Variants in DUSP10 observed in about 807,000 individuals in gnomAD.
DUSP10 encodes the protein dual specificity protein phosphatase 10.
A neutral mutation model predicts 30.8 loss-of-function variants in DUSP10; 14 were observed. The observed-to-expected ratio is 0.46, with a 90% CI of 0.30 to 0.71. The LOEUF is 0.71. Ranked by LOEUF, DUSP10 falls within the 30% of genes least tolerant of loss-of-function variation. DUSP10 has a pLI of 0.08. For missense variants in DUSP10, 550 were observed against 619.4 expected (o/e 0.89, Z 1.19); for synonymous variants, 254 against 250.4 (o/e 1.01, Z -0.14).
At chr1:221,704,550 G>A (rs940313328) in intron 3 of DUSP10, among the ~76,000 whole-genome samples, 14 of 152,160 alleles carry the variant, frequency 9.2e-5, no homozygotes, top group Admixed American at 6.5e-4. Context: ...CTTCCTCAGC[G>A]CTCCAGGTTT....
intron 2 of DUSP10, among the ~76,000 whole-genome samples, chr1:221,713,144 T>C (rs1660991116): frequency 6.6e-6 from 1 of 152,196 alleles, no homozygotes; most frequent in South Asian, 2.1e-4. Flanking sequence ...TTCAGAGCAG[T>C]AGGAAAAGGA....
intron 2 of DUSP10, chr1:221,736,936 T>A (rs1429388293): frequency 2.0e-6 from 2 of 985,312 alleles, no homozygotes; most frequent in African/African-American, 1.7e-5. Flanking sequence ...GGGCGCCCAG[T>A]GGTGAGGTCA....
intron 2 of DUSP10, among the ~76,000 whole-genome samples, chr1:221,718,241 C>A (rs1661170615): frequency 6.6e-6 from 1 of 152,120 alleles, no homozygotes. Context: ...GAAGCCCACT[C>A]CTCTCCCAAA....
At chr1:221,719,868 A>G (rs1273143507) in intron 2 of DUSP10, among the ~76,000 whole-genome samples, 1 of 152,148 alleles carries the variant, frequency 6.6e-6, no homozygotes, top group African/African-American at 2.4e-5. Flanking sequence ...GGTAATCTTT[A>G]AGTTTCTCCC....
chr1:221,737,219 CT>C, intron 2 of DUSP10: 1 of 985,450 alleles, frequency 1.0e-6, no homozygotes, highest in Middle Eastern at 5.2e-4. Flanking sequence ...GTTGTTTCCT[CT>C]CTTCAGATCA....
In DUSP10 at chr1:221,739,337, A is replaced by T. The variant is rs371182562; in HGVS notation, c.408T>A (p.Pro136=). Residue 136 remains proline, a synonymous_variant, in exon 2 of 4, where the codon CCT becomes CCA. Coordinates refer to ENST00000366899, the MANE Select transcript of DUSP10 (RefSeq NM_007207.6). ...SLSPSSGVGS[P]VSGTPKQLAS... Reference sequence around the variant, plus strand: ...CTAGCTGCTTGGGGGTCCCTGACACAGGGCTGCCCACCCCACTTGATGGAC... The same window carrying T: ...CTAGCTGCTTGGGGGTCCCTGACACTGGGCTGCCCACCCCACTTGATGGAC... 1.2e-6 allele frequency: 2 copies of T among 1,613,930 alleles called. No homozygotes were observed. The highest frequency in any genetic ancestry group is 1.7e-6 in the Non-Finnish European group (2 of 1,179,946).
Position 221,739,583 on chromosome 1 carries a change from C to T in DUSP10, c.162G>A (p.Lys54=). 1 of 1,614,154 alleles carries T rather than the reference C, an allele frequency of 6.2e-7. No individual in the cohort carries two copies. The highest frequency in any genetic ancestry group is 1.1e-5 in the South Asian group (1 of 91,080). Residue 54 remains lysine, a synonymous_variant, in exon 2 of 4, where the codon AAG becomes AAA. Transcript: ENST00000366899. ...AGGGCATATACGTCAGATTCGCAGC[C>T]TTGAGGGACACAACGGTGGTGGCGA... ...PVIATTVVSL[K]AANLTYMPSS...
intron 2 of DUSP10, among the ~76,000 whole-genome samples, chr1:221,720,315 G>A (rs1661245675): frequency 6.6e-6 from 1 of 152,234 alleles, no homozygotes; most frequent in Non-Finnish European, 1.5e-5. Flanking sequence ...CCAGGGAGGA[G>A]ACAGGGACTG....
At chr1:221,719,749 A>G (rs1547736) in intron 2 of DUSP10, among the ~76,000 whole-genome samples, 84,795 of 151,912 alleles carry the variant, frequency 0.56, 23,717 homozygotes, top group Middle Eastern at 0.64. Flanking sequence ...CAGGGTAACA[A>G]AAGCCCTGAC....
chr1:221,736,982 T>C (rs940325516), intron 2 of DUSP10: 1 of 985,486 alleles, frequency 1.0e-6, no homozygotes, highest in Non-Finnish European at 1.2e-6. Context: ...GAGGCAATCT[T>C]ACTCTGACAC....
chr1:221,713,092 T>A (rs936559449), intron 2 of DUSP10, among the ~76,000 whole-genome samples: 2 of 152,160 alleles, frequency 1.3e-5, no homozygotes, highest in African/African-American at 2.4e-5. Context: ...GGGGTCAATG[T>A]CAGTGTTGCT....
Position 221,739,147 on chromosome 1 carries a change from T to C in DUSP10, c.598A>G (p.Ile200Val). The change falls in exon 2 of 4, where the codon ATC becomes GTC. Residue 200 changes from isoleucine (I) to valine (V), a missense_variant. Transcript: ENST00000366899. ...CCCTGCTGCAGTCTCCGCCGGCTGA[T>C]CTTATCGGCACAGTTAATGTGGACA... ...GAVHINCADKISRRRLQQGKI... is the reference protein window; with the variant it reads ...GAVHINCADKVSRRRLQQGKI... 3 of 1,614,214 alleles carry C rather than the reference T, an allele frequency of 1.9e-6. No individual in the cohort carries two copies. Among genetic ancestry groups the C allele is most frequent in the Non-Finnish European group, 2.5e-6 (3 of 1,180,042 alleles).
intron 2 of DUSP10, among the ~76,000 whole-genome samples, chr1:221,725,607 T>A (rs560655307): frequency 2.0e-5 from 3 of 152,332 alleles, no homozygotes; most frequent in African/African-American, 7.2e-5. Context: ...ACAAGCTAAT[T>A]ATCTGTCAAA....
At chr1:221,718,794 G>A (rs550578044) in intron 2 of DUSP10, among the ~76,000 whole-genome samples, 93 of 152,322 alleles carry the variant, frequency 6.1e-4, no homozygotes, top group Admixed American at 1.2e-3. Context: ...CACAGCAAAA[G>A]TATGTTTCCC....
At chr1:221,719,664 T>C (rs1280432798) in intron 2 of DUSP10, among the ~76,000 whole-genome samples, 2 of 152,214 alleles carry the variant, frequency 1.3e-5, no homozygotes, top group African/African-American at 2.4e-5. Context: ...AATGAAGCGC[T>C]GACCTGGGAT....
At chr1:221,717,921 G>A (rs1165459903) in intron 2 of DUSP10, among the ~76,000 whole-genome samples, 2 of 152,078 alleles carry the variant, frequency 1.3e-5, no homozygotes, top group Non-Finnish European at 1.5e-5. Context: ...AATGAATATA[G>A]TGCCACTTGT....
chr1:221,722,700 C>T (rs1661311029), intron 2 of DUSP10, among the ~76,000 whole-genome samples: 1 of 152,204 alleles, frequency 6.6e-6, no homozygotes. Flanking sequence ...CCAAGAGATA[C>T]TCATAGGAGT....
chr1:221,715,311 G>A (rs1661064839), intron 2 of DUSP10, among the ~76,000 whole-genome samples: 1 of 152,186 alleles, frequency 6.6e-6, no homozygotes, highest in South Asian at 2.1e-4. Context: ...GAAAGTTTTT[G>A]TCAGAGCTTT....
chr1:221,728,852 C>T (rs1482464062), intron 2 of DUSP10, among the ~76,000 whole-genome samples: 1 of 152,136 alleles, frequency 6.6e-6, no homozygotes, highest in Non-Finnish European at 1.5e-5. Flanking sequence ...CTTCCTACTC[C>T]AGAAAGTGGG....
Sources: gnomAD v4.1 joint callset for allele counts (sites outside exome capture counted in the v4.1 genomes callset) on GRCh38, gnomAD v4.1.1 for gene constraint, MANE v1.5 for transcripts, NCBI Gene and HGNC (gene_info 2026-07-23, HGNC 2026-07-21) for gene names.